ROCK1: variants seen among roughly 807,000 people sequenced by gnomAD.
The protein encoded by ROCK1 is rho-associated protein kinase 1.
In ROCK1, 36 loss-of-function variants were observed where a neutral mutation model predicts 196.8. The observed-to-expected ratio is 0.18, with a 90% CI of 0.14 to 0.24. The LOEUF (loss-of-function observed/expected upper bound fraction) is 0.24. Among genes scored for constraint, ROCK1 ranks in the 10% least tolerant of loss-of-function variants. The probability of loss-of-function intolerance (pLI) is 1.00; values close to 1 mark genes in which losing one functional copy is unlikely to be tolerated. For synonymous variants in ROCK1, 443 were observed against 515.9 expected (o/e 0.86, Z 1.91); for missense variants, 920 against 1,562.0 (o/e 0.59, Z 6.93).
intron 20 of ROCK1, among the ~76,000 whole-genome samples, chr18:20,983,155 G>A (rs1598517141): frequency 2.6e-5 from 4 of 151,084 alleles, no homozygotes; most frequent in East Asian, 3.9e-4. Context: ...TTTTTACAGA[G>A]AAAAGCAGTC....
chr18:21,104,324 T>C (rs2036684401), intron 1 of ROCK1, among the ~76,000 whole-genome samples: 1 of 152,160 alleles, frequency 6.6e-6, no homozygotes, highest in Non-Finnish European at 1.5e-5. Context: ...CTGGGCAGGG[T>C]GCGGCGCTCA....
intron 1 of ROCK1, among the ~76,000 whole-genome samples, chr18:21,073,087 A>C (rs1465726585): frequency 1.9e-4 from 27 of 143,678 alleles, no homozygotes; most frequent in African/African-American, 7.4e-4. Context: ...AAAAAAAAAA[A>C]AAAAAAAAAA....
chr18:21,081,705 T>C (rs1432070271), intron 1 of ROCK1, among the ~76,000 whole-genome samples: 1 of 152,090 alleles, frequency 6.6e-6, no homozygotes, highest in Admixed American at 6.5e-5. Context: ...CTACAAATAA[T>C]TGTAATAGAA....
chr18:21,020,264 A>G (rs768333755), intron 11 of ROCK1, 25 bp from the exon 12 acceptor site: 2 of 1,247,426 alleles, frequency 1.6e-6, no homozygotes. Context: ...AAAAACAAAA[A>G]CTCATTCTAC....
chr18:20,981,733 C>A (rs190597775), intron 21 of ROCK1, among the ~76,000 whole-genome samples: 2 of 152,226 alleles, frequency 1.3e-5, no homozygotes, highest in Admixed American at 1.3e-4. Flanking sequence ...CAAAAAAATA[C>A]ATAAATGTCC....
At chr18:20,985,938 GC>G (rs1362333612) in intron 19 of ROCK1, among the ~76,000 whole-genome samples, 1 of 152,098 alleles carries the variant, frequency 6.6e-6, no homozygotes, top group East Asian at 1.9e-4. Flanking sequence ...GCTCACTGCA[GC>G]CTCGACCTCC....
At position 21,039,464 on chromosome 18, in the gene ROCK1, A is replaced by G. The variant is rs111381414; in HGVS notation, c.1051+8T>C. On this transcript the variant is annotated splice_region_variant and intron_variant, in intron 9 of 32. Coordinates refer to ENST00000399799, the MANE Select transcript of ROCK1 (RefSeq NM_005406.3). Reference sequence around the variant, plus strand: ...TCACTAAAATATGAAAGAAAAAAAAAAACTTACTGTCTCGGAGCGTTTCCC... The same window carrying G: ...TCACTAAAATATGAAAGAAAAAAAAGAACTTACTGTCTCGGAGCGTTTCCC... The G allele has an allele frequency of 4.1e-3, 6,586 of 1,592,280 alleles. 23 individuals carry two copies. Among genetic ancestry groups the G allele is most frequent in the Non-Finnish European group, 5.2e-3 (6,061 of 1,170,356 alleles).
At chr18:20,981,440 CTA>C (rs2035532663) in intron 21 of ROCK1, among the ~76,000 whole-genome samples, 1 of 152,124 alleles carries the variant, frequency 6.6e-6, no homozygotes, top group Non-Finnish European at 1.5e-5. Context: ...AAGTATTCTG[CTA>C]ACATATCTAT....
chr18:20,993,000 G>A, intron 16 of ROCK1, 63 bp from the exon 17 acceptor site: 2 of 957,984 alleles, frequency 2.1e-6, no homozygotes, highest in Middle Eastern at 2.2e-4. Context: ...GTTCAGTATT[G>A]ACAATTTAGT....
At chr18:20,977,433 C>T (rs1218864465) in intron 22 of ROCK1, among the ~76,000 whole-genome samples, 1 of 152,000 alleles carries the variant, frequency 6.6e-6, no homozygotes, top group Admixed American at 6.6e-5. Context: ...TTCCCCACAT[C>T]CCATTCCCTG....
chr18:21,040,667 G>C (rs181828036), intron 8 of ROCK1, among the ~76,000 whole-genome samples: 6 of 152,218 alleles, frequency 3.9e-5, no homozygotes, highest in Non-Finnish European at 7.4e-5. Context: ...TCCGGCACAT[G>C]GTACTTATCT....
intron 1 of ROCK1, among the ~76,000 whole-genome samples, chr18:21,078,527 C>T (rs1303898959): frequency 6.6e-6 from 1 of 152,104 alleles, no homozygotes; most frequent in Non-Finnish European, 1.5e-5. Flanking sequence ...GCTGTAATGG[C>T]AGTCTGAGTG....
intron 1 of ROCK1, among the ~76,000 whole-genome samples, chr18:21,107,828 C>T (rs749051733): frequency 6.6e-6 from 1 of 152,114 alleles, no homozygotes; most frequent in Admixed American, 6.5e-5. Flanking sequence ...CCAAGGCAGG[C>T]GGATTCCTTG....
chr18:20,986,985 G>C lies in ROCK1; in HGVS notation c.2269C>G (p.His757Asp), dbSNP rs374447967. Reference protein sequence around the residue: ...DLKQSQQKLEHLTGNKERMED... With the variant: ...DLKQSQQKLEDLTGNKERMED... ...ATCCTTTCTTTATTTCCAGTCAAAT[G>C]TTCTAGTTTCTGCTGAGATTGCTTC... is the stretch of plus-strand genomic sequence containing the variant. The change falls in exon 19 of 33, where the codon CAT (histidine) becomes GAT (aspartate). Residue 757 changes from histidine to aspartate, a missense_variant. His to Asp is a moderately conservative substitution (Grantham distance 81, BLOSUM62 -1). Transcript: ENST00000399799. The C allele has an allele frequency of 3.0e-5, 48 of 1,602,944 alleles. No individual in the cohort carries two copies. Among genetic ancestry groups the C allele is most frequent in the Non-Finnish European group, 3.9e-5 (46 of 1,176,656 alleles).
chr18:21,028,664 C>T, intron 10 of ROCK1, 112 bp downstream of exon 10: 1 of 855,174 alleles, frequency 1.2e-6, no homozygotes. Flanking sequence ...TGAAAAATTG[C>T]ATAATAAGGT....
At chr18:20,959,314 T>G (rs1448870032) in intron 29 of ROCK1, among the ~76,000 whole-genome samples, 30 of 142,938 alleles carry the variant, frequency 2.1e-4, no homozygotes, top group Non-Finnish European at 1.5e-5. Context: ...CAGGTTCAAG[T>G]GATTCTCCTG....
intron 21 of ROCK1, among the ~76,000 whole-genome samples, chr18:20,982,163 A>G (rs2035539002): frequency 6.6e-6 from 1 of 152,246 alleles, no homozygotes. Flanking sequence ...AGCATATGGG[A>G]TGCTACCGAT....
intron 16 of ROCK1, among the ~76,000 whole-genome samples, chr18:21,001,618 A>T (rs1255148574): frequency 1.3e-5 from 2 of 151,938 alleles, no homozygotes; most frequent in African/African-American, 2.4e-5. Context: ...TACAAAAATT[A>T]GCTGGGCATG....
At chr18:21,080,045 G>A (rs115542592) in intron 1 of ROCK1, among the ~76,000 whole-genome samples, 240 of 152,210 alleles carry the variant, frequency 1.6e-3, no homozygotes, top group East Asian at 9.1e-3. Context: ...GAACAAAAGC[G>A]TTCTCCTTCC....
Sources: gnomAD v4.1 joint callset for allele counts (sites outside exome capture counted in the v4.1 genomes callset) on GRCh38, gnomAD v4.1.1 for gene constraint, MANE v1.5 for transcripts, NCBI Gene and HGNC (gene_info 2026-07-23, HGNC 2026-07-21) for gene names.